Variants in MIPOL1 observed in about 807,000 individuals in gnomAD.
The protein encoded by MIPOL1 is mirror-image polydactyly gene 1 protein.
In MIPOL1, 57 loss-of-function variants were observed where a neutral mutation model predicts 60.9. That is an observed-to-expected ratio of 0.94 (90% confidence interval 0.76 to 1.17). MIPOL1 has a LOEUF of 1.17. MIPOL1 is among the 50% of genes most tolerant of loss of function. The pLI is 0.00. For missense variants in MIPOL1, 551 were observed against 511.6 expected (o/e 1.08, Z -0.74); for synonymous variants, 179 against 168.8 (o/e 1.06, Z -0.47).
intron 1 of MIPOL1, among the ~76,000 whole-genome samples, chr14:37,210,347 T>A (rs1594466903): frequency 6.6e-6 from 1 of 152,168 alleles, no homozygotes; most frequent in East Asian, 1.9e-4. Context: ...AGCGTTCCCA[T>A]TACCTTCTCT....
In MIPOL1 at chr14:37,313,124, A is replaced by G. The variant is rs561187338; in HGVS notation, c.828+4605A>G. Among the ~76,000 whole-genome samples, 7 of 118,102 alleles carry G rather than the reference A, an allele frequency of 5.9e-5. No homozygotes were observed. The South Asian group carries it at 2.1e-3, about 35-fold the overall frequency. The allele number at this position is 118,102 out of a possible 152,430, so 77.5% of individuals were successfully genotyped here. ...AGCCATTGGTGTTAGAATTGGTCTC[A>G]GAACATTTGACAAATAAATCATATT... On this transcript the variant is annotated intron_variant, in intron 9 of 12. Transcript: ENST00000684589.
chr14:37,260,172 A>G (rs887582729), intron 3 of MIPOL1, among the ~76,000 whole-genome samples: 9 of 151,704 alleles, frequency 5.9e-5, no homozygotes, highest in African/African-American at 1.9e-4. Flanking sequence ...TTGGAAGGCC[A>G]AGGTGGGAGG....
chr14:37,463,059 C>T (rs2094558120), intron 11 of MIPOL1, among the ~76,000 whole-genome samples: 1 of 152,154 alleles, frequency 6.6e-6, no homozygotes, highest in Non-Finnish European at 1.5e-5. Context: ...AAAGACATAC[C>T]TGAGACTGGG....
intron 12 of MIPOL1, chr14:37,504,841 A>G (rs1156536314): frequency 2.0e-5 from 3 of 152,168 alleles, no homozygotes; most frequent in African/African-American, 7.2e-5. Flanking sequence ...AAGATCAACA[A>G]AATTGATAGA....
rs1392437391 is a variant in MIPOL1, at chr14:37,345,318, C to A, written c.829-24199C>A. Among the ~76,000 whole-genome samples the A allele has an allele frequency of 2.6e-5, 4 of 152,142 alleles. No homozygotes were observed. In the East Asian group the frequency reaches 7.7e-4, roughly 29 times the overall value. On this transcript the variant is annotated intron_variant, in intron 9 of 12. Transcript: ENST00000684589. The stretch of plus-strand genomic sequence containing the variant: ...ACAAAGTCTCGCTACATTGCCCAGG[C>A]CGGTCTTGACTCCTGGACTTAAGTG...
intron 3 of MIPOL1, among the ~76,000 whole-genome samples, chr14:37,256,600 T>G (rs924914404): frequency 2.0e-5 from 3 of 151,980 alleles, no homozygotes; most frequent in Non-Finnish European, 2.9e-5. Flanking sequence ...ATCTGTTTCC[T>G]TTTGGAAAAC....
chr14:37,349,836 A>G (rs982086056), intron 9 of MIPOL1, among the ~76,000 whole-genome samples: 1 of 152,198 alleles, frequency 6.6e-6, no homozygotes, highest in Admixed American at 6.5e-5. Context: ...TAGATGCTGT[A>G]TCCGCAGCCA....
chr14:37,458,563 A>G (rs1238136438), intron 11 of MIPOL1, among the ~76,000 whole-genome samples: 1 of 152,186 alleles, frequency 6.6e-6, no homozygotes, highest in Non-Finnish European at 1.5e-5. Flanking sequence ...ACAGTGGCTC[A>G]TGCCTGTAAT....
At chr14:37,329,170 C>A (rs2089457479) in intron 9 of MIPOL1, among the ~76,000 whole-genome samples, 1 of 151,692 alleles carries the variant, frequency 6.6e-6, no homozygotes. Flanking sequence ...AAGTTAATCA[C>A]CACTCAATAG....
At chr14:37,315,710 C>T (rs1023826445) in intron 9 of MIPOL1, among the ~76,000 whole-genome samples, 1 of 152,100 alleles carries the variant, frequency 6.6e-6, no homozygotes, top group Non-Finnish European at 1.5e-5. Flanking sequence ...AGGGGTATGA[C>T]ATTCTCTTTT....
intron 12 of MIPOL1, among the ~76,000 whole-genome samples, chr14:37,500,912 C>T (rs187868168): frequency 2.0e-5 from 3 of 152,254 alleles, no homozygotes; most frequent in East Asian, 3.9e-4. Flanking sequence ...CATATCTAGT[C>T]ACCTTCAATT....
At chr14:37,283,040 TTTTGTTTTTGATGTTGCTGTTTG>T (rs547420791) in intron 6 of MIPOL1, among the ~76,000 whole-genome samples, 1,497 of 148,362 alleles carry the variant, frequency 0.01, 14 homozygotes, top group Non-Finnish European at 0.015. Flanking sequence ...CATGCTGTTT[TTTTGTTTTTGATGTTGCTGTTTG>T]TTTGTTTGTT....
intron 12 of MIPOL1, among the ~76,000 whole-genome samples, chr14:37,514,434 A>G (rs981067403): frequency 6.6e-6 from 1 of 152,204 alleles, no homozygotes; most frequent in African/African-American, 2.4e-5. Context: ...AGGAAGGTGT[A>G]GAAGTTAGAT....
chr14:37,327,565 G>A (rs181586472), intron 9 of MIPOL1, among the ~76,000 whole-genome samples: 4 of 152,278 alleles, frequency 2.6e-5, no homozygotes, highest in East Asian at 1.9e-4. Flanking sequence ...GATTACAGGC[G>A]TGAGCCATCG....
intron 9 of MIPOL1, among the ~76,000 whole-genome samples, chr14:37,334,364 G>T (rs2089955802): frequency 6.6e-6 from 1 of 151,866 alleles, no homozygotes; most frequent in African/African-American, 2.4e-5. Context: ...AAATGGAAGA[G>T]TTATGCTATC....
intron 10 of MIPOL1, among the ~76,000 whole-genome samples, chr14:37,380,291 A>G (rs977145545): frequency 2.0e-5 from 3 of 152,104 alleles, no homozygotes; most frequent in Non-Finnish European, 4.4e-5. Context: ...TGTTTTCCAC[A>G]GAATAATTTT....
At chr14:37,502,722 G>T (rs920153742) in intron 12 of MIPOL1, 1 of 152,184 alleles carries the variant, frequency 6.6e-6, no homozygotes, top group African/African-American at 2.4e-5. Context: ...CTGTGCCAAA[G>T]GCTCACAGCT....
chr14:37,492,966 A>G (rs1364667471), intron 11 of MIPOL1, among the ~76,000 whole-genome samples: 1 of 152,180 alleles, frequency 6.6e-6, no homozygotes, highest in Non-Finnish European at 1.5e-5. Flanking sequence ...ACTGATCTAT[A>G]TTGTTGTACC....
intron 12 of MIPOL1, chr14:37,501,828 A>G (rs1192236666): frequency 2.6e-5 from 4 of 152,040 alleles, no homozygotes; most frequent in Non-Finnish European, 5.9e-5. Flanking sequence ...GTGTCGGGGG[A>G]TTTCTTTTTC....
Sources: gnomAD v4.1 joint callset for allele counts (sites outside exome capture counted in the v4.1 genomes callset) on GRCh38, gnomAD v4.1.1 for gene constraint, MANE v1.5 for transcripts, NCBI Gene and HGNC (gene_info 2026-07-23, HGNC 2026-07-21) for gene names.